The following NOP9 variants were observed in gnomAD, a reference collection of about 807,000 sequenced individuals.
NOP9 encodes the protein NOP9 nucleolar protein.
In NOP9, 50 loss-of-function variants were observed where a neutral mutation model predicts 63.0. The ratio of observed to expected loss-of-function variants is 0.79; its 90% CI spans 0.63 to 1.00. The LOEUF (loss-of-function observed/expected upper bound fraction) is 1.00, where lower values mean the gene tolerates loss of function less well. Ranked by LOEUF, NOP9 falls within the 50% of genes least tolerant of loss-of-function variation. The pLI, the probability that NOP9 is intolerant of heterozygous loss-of-function variation, is 0.00. For missense variants in NOP9, 758 were observed against 803.0 expected (o/e 0.94, Z 0.68); for synonymous variants, 343 against 332.8 (o/e 1.03, Z -0.33).
chr14:24,302,854 C>A (rs1442874910), intron 5 of NOP9, among the ~76,000 whole-genome samples: 2 of 152,248 alleles, frequency 1.3e-5, no homozygotes, highest in African/African-American at 4.8e-5. Flanking sequence ...TGCTCCCTTA[C>A]ACATAGGGAA....
At chr14:24,283,713 C>T in the NOP9 span, among the ~76,000 whole-genome samples, 1 of 152,262 alleles carries the variant, frequency 6.6e-6, no homozygotes, top group East Asian at 1.9e-4. Context: ...AACCCCCTGC[C>T]TCCTCCCTTG....
the NOP9 span, among the ~76,000 whole-genome samples, chr14:24,272,962 T>C: frequency 3.3e-5 from 5 of 152,334 alleles, no homozygotes; most frequent in East Asian, 5.8e-4. Flanking sequence ...CCAGTCTGAT[T>C]TGATAGACCT....
chr14:24,292,739 T>G, the NOP9 span: 1 of 1,614,212 alleles, frequency 6.2e-7, no homozygotes, highest in Non-Finnish European at 8.5e-7. Context: ...CCTGGCCAGC[T>G]GGTACCATCA....
At chr14:24,283,893 G>T in the NOP9 span, among the ~76,000 whole-genome samples, 1 of 152,268 alleles carries the variant, frequency 6.6e-6, no homozygotes, top group Non-Finnish European at 1.5e-5. Context: ...CCCCTGCTCA[G>T]TCCTGAGGTG....
At chr14:24,298,960 C>T (rs34225269), upstream of NOP9, 1 of 1,605,898 alleles carries the variant, frequency 6.2e-7, no homozygotes, top group Non-Finnish European at 8.5e-7. Context: ...CACTCACCTC[C>T]TGAGCAACAA....
In NOP9 at chr14:24,300,643, A is replaced by AGAGGAGGAGGAGGAGGAG. The variant is rs71119069; in HGVS notation, c.492_509dup (p.Glu164_Glu169dup). 6 of 1,577,176 alleles carry AGAGGAGGAGGAGGAGGAG rather than the reference A, an allele frequency of 3.8e-6. No homozygotes were observed. In the African/African-American group the frequency reaches 5.5e-5, roughly 14 times the overall value. On this transcript the variant is annotated inframe_insertion, in exon 2 of 10. Transcript: ENST00000267425. Reference sequence around the variant, plus strand: ...TCCCTCGATTGCTGGGGAGTGCTGCAGAGGAGGAGGAGGAGGAGGAGGAGG... The same window carrying AGAGGAGGAGGAGGAGGAG: ...TCCCTCGATTGCTGGGGAGTGCTGCAGAGGAGGAGGAGGAGGAGGAGGAGGAGGAGGAGGAGGAGGAGG...
Position 24,300,578 on chromosome 14 carries a change from C to A in NOP9, c.418C>A (p.Arg140=), listed in dbSNP as rs751586332. Residue 140 remains arginine (R), a synonymous_variant, in exon 2 of 10, where the codon CGA becomes AGA. Coordinates refer to ENST00000267425, the MANE Select transcript of NOP9 (RefSeq NM_174913.3). ...RSNLRTVACH[R]CGVHVLQSAL... ...TAACTTGCGCACTGTGGCCTGTCAC[C>A]GATGCGGGGTCCATGTATTACAAAG... is the stretch of plus-strand genomic sequence containing the variant. 5.3e-5 allele frequency: 85 copies of A among 1,614,076 alleles called. No homozygotes were observed. The highest frequency in any genetic ancestry group is 6.8e-5 in the Non-Finnish European group (80 of 1,180,048).
At chr14:24,275,939 G>T in the NOP9 span, among the ~76,000 whole-genome samples, 1,666 of 152,344 alleles carry the variant, frequency 0.011, 30 homozygotes, top group Non-Finnish European at 0.016. Context: ...AGAACTTTCT[G>T]TGACAATGGA....
the NOP9 span, chr14:24,291,952 G>C: frequency 1.6e-6 from 1 of 620,146 alleles, no homozygotes; most frequent in Non-Finnish European, 2.8e-6. Context: ...TTTCCACTTA[G>C]GACATATGTG....
the NOP9 span, among the ~76,000 whole-genome samples, chr14:24,275,270 G>GAAAC: frequency 2.0e-5 from 3 of 152,156 alleles, no homozygotes; most frequent in Non-Finnish European, 4.4e-5. Context: ...TGTATAGAAA[G>GAAAC]AAACAAACAG....
chr14:24,304,839 T>C, intron 9 of NOP9, 99 bp from the exon 10 acceptor site: 1 of 1,332,666 alleles, frequency 7.5e-7, no homozygotes, highest in Non-Finnish European at 1.0e-6. Context: ...TTTATCCCAG[T>C]GGCAGTCCCA....
the NOP9 span, among the ~76,000 whole-genome samples, chr14:24,275,975 C>T: frequency 4.6e-5 from 7 of 152,218 alleles, no homozygotes; most frequent in Non-Finnish European, 1.0e-4. Context: ...TGTCATCTAA[C>T]ACGGTTGACA....
rs2139160898 is a variant in NOP9, at chr14:24,309,035, G to A, written c.*3940G>A. On this transcript the variant is annotated 3_prime_UTR_variant, in exon 10 of 10. Coordinates refer to ENST00000267425, the MANE Select transcript of NOP9 (RefSeq NM_174913.3). Reference sequence around the variant, plus strand: ...GACCCCCTTGTTTTGGATATACCCAGGTAGAACAACTCTCTCTCACTGTCT... The same window carrying A: ...GACCCCCTTGTTTTGGATATACCCAAGTAGAACAACTCTCTCTCACTGTCT... 6.6e-6 allele frequency: 1 copy of A among 152,394 alleles called. No individual in the cohort carries two copies. The highest frequency in any genetic ancestry group is 1.5e-5 in the Non-Finnish European group (1 of 68,074). The allele number at this position is 152,394 out of a possible 1,614,324, so 9.4% of individuals were successfully genotyped here.
chr14:24,306,237 G>C lies in NOP9; in HGVS notation c.*1142G>C. ...AGACCCTCCCTCGCTTGGACTTTCT[G>C]TCCACTGTGTGACATCCTTGACAAT... On this transcript the variant is annotated 3_prime_UTR_variant, in exon 10 of 10. Coordinates refer to ENST00000267425, the MANE Select transcript of NOP9 (RefSeq NM_174913.3). The C allele has an allele frequency of 1.3e-6, 2 of 1,522,604 alleles. No individual in the cohort carries two copies. The highest frequency in any genetic ancestry group is 1.8e-6 in the Non-Finnish European group (2 of 1,110,000). The allele number at this position is 1,522,604 out of a possible 1,614,324, so 94.3% of individuals were successfully genotyped here.
chr14:24,306,483 A>T lies in NOP9; in HGVS notation c.*1388A>T, dbSNP rs1555312968. On this transcript the variant is annotated 3_prime_UTR_variant, in exon 10 of 10. Transcript: ENST00000267425. Reference sequence around the variant, plus strand: ...CACTGCAGTTCCATCCTCCTCTAGCACCAGGGTTAGCACTCCATTCAGCAG... The same window carrying T: ...CACTGCAGTTCCATCCTCCTCTAGCTCCAGGGTTAGCACTCCATTCAGCAG... 2 of 1,614,244 alleles carry T rather than the reference A, an allele frequency of 1.2e-6. No individual in the cohort carries two copies. The highest frequency in any genetic ancestry group is 3.3e-5 in the Admixed American group (2 of 60,028).
At chr14:24,303,012 C>A in intron 5 of NOP9, 62 bp from the exon 6 acceptor site, 2 of 1,460,704 alleles carry the variant, frequency 1.4e-6, no homozygotes, top group Non-Finnish European at 9.1e-7. Context: ...GGGAAGATTT[C>A]TCTGAATAAT....
the NOP9 span, chr14:24,292,528 G>A: frequency 3.2e-6 from 5 of 1,550,658 alleles, no homozygotes; most frequent in Non-Finnish European, 4.4e-6. Context: ...GTCCATGGAT[G>A]AGGCAGAGGA....
the NOP9 span, among the ~76,000 whole-genome samples, chr14:24,276,764 G>T: frequency 6.6e-6 from 1 of 152,210 alleles, no homozygotes; most frequent in Admixed American, 6.5e-5. Context: ...GATTGTAACG[G>T]TTTACATTTT....
At chr14:24,272,458 G>A in the NOP9 span, among the ~76,000 whole-genome samples, 1 of 152,072 alleles carries the variant, frequency 6.6e-6, no homozygotes. Context: ...TCTTAAACTC[G>A]CTTAAATACT....
Sources: allele counts gnomAD v4.1 joint callset (sites outside exome capture counted in the v4.1 genomes callset), GRCh38; gene constraint gnomAD v4.1.1; transcripts MANE v1.5; gene names NCBI Gene and HGNC (gene_info 2026-07-23, HGNC 2026-07-21).